The following SOX5 variants were observed in gnomAD, a reference collection of about 807,000 sequenced individuals.
The protein encoded by SOX5 is transcription factor SOX-5.
Under a neutral mutation model 92.0 loss-of-function variants are expected in SOX5, and 9 were observed. The ratio of observed to expected loss-of-function variants is 0.10; its 90% CI spans 0.06 to 0.17. SOX5 has a LOEUF of 0.17. Ranked by LOEUF, SOX5 falls within the 10% of genes least tolerant of loss-of-function variation. SOX5 has a pLI of 1.00. For missense variants in SOX5, 642 were observed against 944.5 expected, an observed-to-expected ratio of 0.68 and a Z score of 4.20; for synonymous variants, 344 against 336.3, an observed-to-expected ratio of 1.02 and a Z score of -0.25.
chr12:24,021,547 C>A (rs1954294196), intron 4 of SOX5, among the ~76,000 whole-genome samples: 1 of 152,060 alleles, frequency 6.6e-6, no homozygotes, highest in South Asian at 2.1e-4. Context: ...AATCAAGACC[C>A]AGTGTTCCTC....
At chr12:23,766,741 C>T (rs1305940322) in intron 3 of SOX5, among the ~76,000 whole-genome samples, 1 of 151,928 alleles carries the variant, frequency 6.6e-6, no homozygotes, top group African/African-American at 2.4e-5. Flanking sequence ...CAATACTTTG[C>T]TGTTTTACAA....
intron 1 of SOX5, among the ~76,000 whole-genome samples, chr12:24,477,034 A>G (rs1006677720): frequency 6.6e-6 from 1 of 150,900 alleles, no homozygotes; most frequent in Non-Finnish European, 1.5e-5. Context: ...ATTCCAATCT[A>G]AAGAAAACTT....
intron 4 of SOX5, among the ~76,000 whole-genome samples, chr12:24,072,947 T>C (rs1465881039): frequency 1.3e-5 from 2 of 152,226 alleles, no homozygotes; most frequent in African/African-American, 2.4e-5. Flanking sequence ...TGAATGTATC[T>C]ACATTGGAGT....
intron 1 of SOX5, among the ~76,000 whole-genome samples, chr12:24,453,337 T>G (rs1437663661): frequency 1.3e-5 from 2 of 152,186 alleles, no homozygotes; most frequent in Non-Finnish European, 2.9e-5. Flanking sequence ...CAAAAGTGCA[T>G]GCTGAAGTGG....
intron 5 of SOX5, among the ~76,000 whole-genome samples, chr12:23,738,786 C>T (rs1230915055): frequency 6.6e-6 from 1 of 152,054 alleles, no homozygotes; most frequent in African/African-American, 2.4e-5. Flanking sequence ...TAGGATTCTC[C>T]AGAATTCAGT....
At chr12:24,390,218 G>T (rs1018572281) in intron 1 of SOX5, among the ~76,000 whole-genome samples, 1 of 151,980 alleles carries the variant, frequency 6.6e-6, no homozygotes, top group African/African-American at 2.4e-5. Flanking sequence ...TTTTACACAC[G>T]TAACATTATG....
chr12:24,136,984 A>C (rs1317067690), intron 4 of SOX5, among the ~76,000 whole-genome samples: 4 of 152,212 alleles, frequency 2.6e-5, no homozygotes, highest in Non-Finnish European at 1.5e-5. Context: ...CTCCAAAAAT[A>C]TCACTCACTC....
intron 2 of SOX5, among the ~76,000 whole-genome samples, chr12:24,347,342 G>A (rs1953432028): frequency 6.6e-6 from 1 of 152,140 alleles, no homozygotes; most frequent in Admixed American, 6.5e-5. Flanking sequence ...TTTGGTATCT[G>A]CTGGGGTGCT....
At chr12:23,685,633 C>G (rs1220036750) in intron 6 of SOX5, among the ~76,000 whole-genome samples, 2 of 145,352 alleles carry the variant, frequency 1.4e-5, no homozygotes, top group Admixed American at 1.4e-4. Context: ...TTTTGTCCCC[C>G]CCCCCAAAAA....
At chr12:23,920,010 T>C (rs959600492) in intron 1 of SOX5, 19 of 152,168 alleles carry the variant, frequency 1.2e-4, no homozygotes, top group African/African-American at 4.1e-4. Flanking sequence ...ACAGGATTAG[T>C]AGACTCTGTT....
At chr12:24,192,974 T>G (rs12367632) in intron 4 of SOX5, among the ~76,000 whole-genome samples, 37,146 of 152,104 alleles carry the variant, frequency 0.24, 5,776 homozygotes, top group African/African-American at 0.44. Context: ...AACTAAAACA[T>G]AGAGTAAATG....
chr12:23,667,412 C>A (rs1006686556), intron 6 of SOX5, among the ~76,000 whole-genome samples: 2 of 152,012 alleles, frequency 1.3e-5, no homozygotes, highest in African/African-American at 4.8e-5. Flanking sequence ...AAACTTCGGT[C>A]TTTTATAGAT....
chr12:23,814,926 C>T (rs572392143), intron 3 of SOX5, among the ~76,000 whole-genome samples: 1 of 152,108 alleles, frequency 6.6e-6, no homozygotes, highest in Admixed American at 6.5e-5. Flanking sequence ...CTTGAGAAAG[C>T]AAGAATATTT....
At chr12:24,068,991 A>G (rs12306461) in intron 4 of SOX5, among the ~76,000 whole-genome samples, 26,000 of 133,972 alleles carry the variant, frequency 0.19, 2,667 homozygotes, top group Non-Finnish European at 0.25. Context: ...GGAATTTGGG[A>G]AAAAAAAAAA....
intron 4 of SOX5, among the ~76,000 whole-genome samples, chr12:24,104,365 C>T (rs994699035): frequency 6.6e-6 from 1 of 152,068 alleles, no homozygotes; most frequent in Non-Finnish European, 1.5e-5. Flanking sequence ...AACTTATTTT[C>T]CCATTGGAAA....
chr12:24,127,984 T>A lies in SOX5; in HGVS notation c.-2+85359A>T, dbSNP rs542243163. 2.6e-5 allele frequency among the ~76,000 whole-genome samples: 4 copies of A among 152,282 alleles called. No individual in the cohort carries two copies. The East Asian group carries it at 7.7e-4, about 29-fold the overall frequency. ...CAGCCTCCTAGGATTTGGTGAAAAA[T>A]TCTTTCTTATGAGTAATGTTTTACA... On this transcript the variant is annotated intron_variant, in intron 4 of 4. Transcript: ENST00000446891.
chr12:23,920,341 G>C (rs1378133179), intron 1 of SOX5: 3 of 152,140 alleles, frequency 2.0e-5, no homozygotes, highest in Non-Finnish European at 4.4e-5. Flanking sequence ...ATGGCCCTTG[G>C]TGTATTTCAA....
intron 9 of SOX5, among the ~76,000 whole-genome samples, chr12:23,581,472 C>T (rs774516629): frequency 2.6e-5 from 4 of 152,032 alleles, no homozygotes; most frequent in Non-Finnish European, 2.9e-5. Context: ...AATTGCACTT[C>T]CTCAAATATT....
intron 4 of SOX5, among the ~76,000 whole-genome samples, chr12:24,104,453 T>C (rs889950301): frequency 1.3e-5 from 2 of 152,184 alleles, no homozygotes; most frequent in Non-Finnish European, 2.9e-5. Flanking sequence ...TCTGACATTA[T>C]ACAGATTCAA....
Sources: allele counts gnomAD v4.1 joint callset (sites outside exome capture counted in the v4.1 genomes callset), GRCh38; gene constraint gnomAD v4.1.1; transcripts MANE v1.5; gene names NCBI Gene and HGNC (gene_info 2026-07-23, HGNC 2026-07-21).